The following CFLAR variants were observed in gnomAD, a reference collection of about 807,000 sequenced individuals.
CFLAR encodes CASP8 and FADD-like apoptosis regulator.
Under a neutral mutation model 51.1 loss-of-function variants are expected in CFLAR, and 14 were observed. The observed-to-expected ratio is 0.27, with a 90% CI of 0.18 to 0.43. The LOEUF is 0.43. Among genes scored for constraint, CFLAR ranks in the 20% least tolerant of loss-of-function variants. The probability of loss-of-function intolerance (pLI) is 1.00; values close to 1 mark genes in which losing one functional copy is unlikely to be tolerated. For missense variants in CFLAR, 390 were observed against 566.5 expected (o/e 0.69, Z 3.16); for synonymous variants, 210 against 211.6 (o/e 0.99, Z 0.06).
intron 4 of CFLAR, 58 bp downstream of exon 4, chr2:201,136,165 A>G: frequency 6.2e-7 from 1 of 1,612,652 alleles, no homozygotes; most frequent in Non-Finnish European, 8.5e-7. Context: ...GGGGGTGGGC[A>G]TCATGACTGA....
chr2:201,140,079 GGAGGCGC>G, intron 4 of CFLAR: 1 of 140,956 alleles, frequency 7.1e-6, no homozygotes, highest in South Asian at 5.3e-5. Context: ...GCTGCGACGC[GGAGGCGC>G]GCCGCTGCCA....
At position 201,175,186 on chromosome 2, in the gene CFLAR, T is replaced by TA. The variant is rs1332702034; in HGVS notation, c.*11214dup. On this transcript the variant is annotated 3_prime_UTR_variant, in exon 10 of 10. Transcript: ENST00000309955. ...CATCAGGGCTACTCTTCCTATGGGG[T>TA]AGCCATTCTTTTATTCCTTTACTTT... 1 of 152,204 alleles carries TA rather than the reference T, an allele frequency of 6.6e-6. No individual in the cohort carries two copies. The highest frequency in any genetic ancestry group is 1.5e-5 in the Non-Finnish European group (1 of 68,044). 9.4% of individuals were successfully genotyped at this position (152,204 alleles called of 1,614,324 possible).
At chr2:201,147,857 G>C (rs1940538465) in intron 6 of CFLAR, 1 of 152,256 alleles carries the variant, frequency 6.6e-6, no homozygotes, top group Admixed American at 6.5e-5. Flanking sequence ...GACAGAGCGA[G>C]ACTCCATCTA....
intron 3 of CFLAR, among the ~76,000 whole-genome samples, chr2:201,133,378 T>C (rs1293512839): frequency 6.6e-6 from 1 of 152,244 alleles, no homozygotes; most frequent in Non-Finnish European, 1.5e-5. Context: ...TCCTTGTTTC[T>C]GTAAAATTCA....
At chr2:201,141,144 A>G (rs1938723328) in intron 5 of CFLAR, among the ~76,000 whole-genome samples, 1 of 152,100 alleles carries the variant, frequency 6.6e-6, no homozygotes, top group Admixed American at 6.6e-5. Context: ...AGGCAGGAGA[A>G]TCATATGAAC....
intron 3 of CFLAR, among the ~76,000 whole-genome samples, chr2:201,134,666 T>A (rs558345758): frequency 2.0e-5 from 3 of 149,658 alleles, no homozygotes; most frequent in African/African-American, 7.4e-5. Context: ...TAAAATAAAA[T>A]AAAATAAAAT....
In CFLAR at chr2:201,170,352, A is replaced by G. The variant is rs1943937777; in HGVS notation, c.*6379A>G. The G allele has an allele frequency of 6.6e-6, 1 of 152,206 alleles. No homozygotes were observed. The highest frequency in any genetic ancestry group is 6.5e-5 in the Admixed American group (1 of 15,280). The allele number at this position is 152,206 out of a possible 1,614,324, so 9.4% of individuals were successfully genotyped here. A position where few individuals can be genotyped will look rare whatever the true frequency, so the allele number is the denominator to read the frequency against. Reference sequence around the variant, plus strand: ...GGTTATTACTGAACGTGAAAAAGTAATGTTTGTATTGAAATCTTGAGTCTG... The same window carrying G: ...GGTTATTACTGAACGTGAAAAAGTAGTGTTTGTATTGAAATCTTGAGTCTG... On this transcript the variant is annotated 3_prime_UTR_variant, in exon 10 of 10. Coordinates refer to ENST00000309955, the MANE Select transcript of CFLAR (RefSeq NM_003879.7).
At chr2:201,136,387 G>C (rs989368181) in intron 4 of CFLAR, 1 of 1,598,440 alleles carries the variant, frequency 6.3e-7, no homozygotes, top group Non-Finnish European at 8.5e-7. Context: ...TGCACAGGCT[G>C]GCAGAGCTAT....
intron 1 of CFLAR, among the ~76,000 whole-genome samples, chr2:201,122,029 T>G (rs1319548923): frequency 1.3e-5 from 2 of 152,272 alleles, no homozygotes; most frequent in Non-Finnish European, 2.9e-5. Context: ...GCCATAGGTC[T>G]TCTTCGTACT....
chr2:201,170,915 T>C lies in CFLAR; in HGVS notation c.*6942T>C, dbSNP rs1243064919. 1 of 152,280 alleles carries C rather than the reference T, an allele frequency of 6.6e-6. No homozygotes were observed. The highest frequency in any genetic ancestry group is 1.5e-5 in the Non-Finnish European group (1 of 68,048). 9.4% of individuals were successfully genotyped at this position (152,280 alleles called of 1,614,324 possible). A position where few individuals can be genotyped will look rare whatever the true frequency, so the allele number is the denominator to read the frequency against. On this transcript the variant is annotated 3_prime_UTR_variant, in exon 10 of 10. Transcript: ENST00000309955. ...TAGAAGTTATGTGGCTTTGCCACTA[T>C]GGATGAATCTTATTTACTCAATATT...
chr2:201,126,191 G>A lies in CFLAR; in HGVS notation c.-137-3538G>A, dbSNP rs2125635105. Among the ~76,000 whole-genome samples, 2 of 152,212 alleles carry A rather than the reference G, an allele frequency of 1.3e-5. 1 individual carries two copies. The highest frequency in any genetic ancestry group is 4.1e-4 in the South Asian group (2 of 4,832). Reference sequence around the variant, plus strand: ...TCTTTTATACTTTGGTTTAGAAAGGGGAGGGGGGGGTCTAGTTAAAACAAT... The same window carrying A: ...TCTTTTATACTTTGGTTTAGAAAGGAGAGGGGGGGGTCTAGTTAAAACAAT... On this transcript the variant is annotated intron_variant, in intron 1 of 9. Coordinates refer to ENST00000309955, the MANE Select transcript of CFLAR (RefSeq NM_003879.7).
intron 8 of CFLAR, among the ~76,000 whole-genome samples, chr2:201,155,801 A>T (rs1942079387): frequency 6.6e-6 from 1 of 151,948 alleles, no homozygotes; most frequent in Non-Finnish European, 1.5e-5. Flanking sequence ...TTTTTAAAAT[A>T]TTCTGTAGAG....
chr2:201,172,350 G>C lies in CFLAR; in HGVS notation c.*8377G>C, dbSNP rs1010150601. 6.6e-6 allele frequency: 1 copy of C among 152,114 alleles called. No individual in the cohort carries two copies. The highest frequency in any genetic ancestry group is 1.5e-5 in the Non-Finnish European group (1 of 68,034). 9.4% of individuals were successfully genotyped at this position (152,114 alleles called of 1,614,324 possible). The stretch of plus-strand genomic sequence containing the variant: ...TATTGTTGATATAGTTTTTATATTG[G>C]AAGTGTAAGTAGTTTGTGGCATGGG... On this transcript the variant is annotated 3_prime_UTR_variant, in exon 10 of 10. Transcript: ENST00000309955.
rs1943864358 is a variant in CFLAR, at chr2:201,169,253, C to CA, written c.*5285dup. The CA allele has an allele frequency of 6.6e-6, 1 of 152,076 alleles. No individual in the cohort carries two copies. Among genetic ancestry groups the CA allele is most frequent in the South Asian group, 2.1e-4 (1 of 4,820 alleles). 9.4% of individuals were successfully genotyped at this position (152,076 alleles called of 1,614,324 possible). A position where few individuals can be genotyped will look rare whatever the true frequency, so the allele number is the denominator to read the frequency against. On this transcript the variant is annotated 3_prime_UTR_variant, in exon 10 of 10. Transcript: ENST00000309955. ...TAGCCAAAATGGCATGGTACTGGTA[C>CA]AAAAACAGACACATAGACCAATGGA... is the stretch of plus-strand genomic sequence containing the variant.
At chr2:201,143,899 T>A (rs954855987) in intron 5 of CFLAR, among the ~76,000 whole-genome samples, 15 of 151,970 alleles carry the variant, frequency 9.9e-5, no homozygotes, top group African/African-American at 2.7e-4. Context: ...GCGGCAGAGG[T>A]TGCAGGCGCC....
chr2:201,137,986 C>T (rs1178701342), intron 4 of CFLAR: 3 of 745,404 alleles, frequency 4.0e-6, no homozygotes, highest in African/African-American at 3.4e-5. Flanking sequence ...ATGATGGGCA[C>T]ACCAAAGTTC....
At chr2:201,132,841 C>T (rs2049511184) in intron 2 of CFLAR, 188 bp from the exon 3 acceptor site, 2 of 458,088 alleles carry the variant, frequency 4.4e-6, no homozygotes, top group South Asian at 6.3e-5. Flanking sequence ...GACAAGTTCC[C>T]TTTTCTGAGG....
Position 201,176,285 on chromosome 2 carries a change from G to GT in CFLAR, c.*12312_*12313insT, listed in dbSNP as rs369577199. On this transcript the variant is annotated 3_prime_UTR_variant, in exon 10 of 10. Transcript: ENST00000309955. Reference sequence around the variant, plus strand: ...CTCAGGTGTTTTCTATTGCGGGGGGGGGGGGCGGGCGGGGGAGCTGCCTGT... The same window carrying GT: ...CTCAGGTGTTTTCTATTGCGGGGGGGTGGGGGCGGGCGGGGGAGCTGCCTGT... The GT allele has an allele frequency of 1.6e-5, 2 of 121,440 alleles. No homozygotes were observed. The highest frequency in any genetic ancestry group is 3.3e-4 in the South Asian group (1 of 2,996). The allele number at this position is 121,440 out of a possible 1,614,324, so 7.5% of individuals were successfully genotyped here. A position where few individuals can be genotyped will look rare whatever the true frequency, so the allele number is the denominator to read the frequency against.
chr2:201,152,629 C>G (rs1454031580), intron 8 of CFLAR, among the ~76,000 whole-genome samples: 1 of 152,182 alleles, frequency 6.6e-6, no homozygotes, highest in Non-Finnish European at 1.5e-5. Context: ...GAGGCCTGCC[C>G]TAGGCCCAAG....
Sources: allele counts gnomAD v4.1 joint callset (sites outside exome capture counted in the v4.1 genomes callset), GRCh38; gene constraint gnomAD v4.1.1; transcripts MANE v1.5; gene names NCBI Gene and HGNC (gene_info 2026-07-23, HGNC 2026-07-21).